Variants in PTPRO observed in about 807,000 individuals in gnomAD.
PTPRO encodes the protein receptor-type tyrosine-protein phosphatase O.
In PTPRO, 62 loss-of-function variants were observed where a neutral mutation model predicts 145.2. The observed-to-expected ratio is 0.43, with a 90% CI of 0.35 to 0.53. The LOEUF (loss-of-function observed/expected upper bound fraction) is 0.53. Ranked by LOEUF, PTPRO falls within the 20% of genes least tolerant of loss-of-function variation. The probability of loss-of-function intolerance (pLI) is 0.01; values close to 1 mark genes in which losing one functional copy is unlikely to be tolerated. For synonymous variants in PTPRO, 565 were observed against 514.7 expected (o/e 1.10, Z -1.32); for missense variants, 1,345 against 1,482.7 (o/e 0.91, Z 1.53).
At chr12:15,457,245 G>A (rs1167104207) in intron 1 of PTPRO, among the ~76,000 whole-genome samples, 1 of 152,162 alleles carries the variant, frequency 6.6e-6, no homozygotes, top group East Asian at 1.9e-4. Flanking sequence ...TTTAGCCTCT[G>A]ACTGAGCCAA....
intron 1 of PTPRO, among the ~76,000 whole-genome samples, chr12:15,366,276 CTGT>C (rs2136250424): frequency 6.6e-6 from 1 of 152,150 alleles, no homozygotes; most frequent in African/African-American, 2.4e-5. Flanking sequence ...ACTATAGAAG[CTGT>C]TGTTTGTCTT....
intron 25 of PTPRO, among the ~76,000 whole-genome samples, chr12:15,594,279 C>G (rs750690344): frequency 2.6e-5 from 4 of 151,618 alleles, no homozygotes; most frequent in Non-Finnish European, 4.4e-5. Flanking sequence ...CAATATTTTC[C>G]TCTGTATTTT....
chr12:15,328,822 A>T (rs183222769), intron 1 of PTPRO, among the ~76,000 whole-genome samples: 1 of 152,166 alleles, frequency 6.6e-6, no homozygotes. Context: ...TAACAAAACT[A>T]TTTCTATCTT....
At chr12:15,516,518 A>G (rs1437018871) in intron 8 of PTPRO, among the ~76,000 whole-genome samples, 1 of 135,098 alleles carries the variant, frequency 7.4e-6, no homozygotes, top group Non-Finnish European at 1.6e-5. Context: ...AGAAAGAAAG[A>G]AAAAGAAAAG....
intron 1 of PTPRO, among the ~76,000 whole-genome samples, chr12:15,354,008 A>AT (rs1289663116): frequency 1.3e-5 from 2 of 152,104 alleles, no homozygotes; most frequent in South Asian, 4.2e-4. Context: ...AGTTTGTTCA[A>AT]TTTTTTTCAG....
Position 15,458,912 on chromosome 12 carries a change from G to A in PTPRO, c.76-25062G>A, listed in dbSNP as rs190718940. Among the ~76,000 whole-genome samples, 44 of 152,030 alleles carry A rather than the reference G, an allele frequency of 2.9e-4. No homozygotes were observed. In the East Asian group the frequency reaches 7.6e-3, roughly 26 times the overall value. On this transcript the variant is annotated intron_variant, in intron 1 of 26. Transcript: ENST00000281171. ...GTTTTTCCCTTGGTTCTTCATTTTA[G>A]TATATCTGGATGTTATACAAAACAG... is the stretch of plus-strand genomic sequence containing the variant.
At position 15,598,250 on chromosome 12, in the gene PTPRO, G is replaced by A. The variant is rs183709389; in HGVS notation, c.*2177G>A. ...TTTATGATGGAAAAGGCATCAGTCT[G>A]TCAAAAGACTTGTTTAATCCTGATA... On this transcript the variant is annotated 3_prime_UTR_variant, in exon 27 of 27. Coordinates refer to ENST00000281171, the MANE Select transcript of PTPRO (RefSeq NM_030667.3). Among the ~76,000 whole-genome samples, 212 of 152,302 alleles carry A rather than the reference G, an allele frequency of 1.4e-3. 1 individual carries two copies. Among genetic ancestry groups the A allele is most frequent in the African/African-American group, 4.9e-3 (202 of 41,566 alleles).
intron 1 of PTPRO, among the ~76,000 whole-genome samples, chr12:15,421,836 G>A (rs988158260): frequency 6.6e-6 from 1 of 152,154 alleles, no homozygotes; most frequent in Non-Finnish European, 1.5e-5. Context: ...TTAACTAGCT[G>A]TGTGATCTTG....
At chr12:15,507,417 A>ATAAG (rs1282149767) in intron 6 of PTPRO, among the ~76,000 whole-genome samples, 3 of 93,266 alleles carry the variant, frequency 3.2e-5, no homozygotes, top group Non-Finnish European at 6.8e-5. Flanking sequence ...CTCAAAATAA[A>ATAAG]TAAATAAATA....
At chr12:15,575,300 G>T (rs1428124426) in intron 19 of PTPRO, among the ~76,000 whole-genome samples, 1 of 152,178 alleles carries the variant, frequency 6.6e-6, no homozygotes, top group African/African-American at 2.4e-5. Flanking sequence ...ACAGGAAGAG[G>T]AGAGGCCAGG....
At chr12:15,329,146 CATT>C (rs2136197158) in intron 1 of PTPRO, among the ~76,000 whole-genome samples, 1 of 152,314 alleles carries the variant, frequency 6.6e-6, no homozygotes, top group Admixed American at 6.5e-5. Flanking sequence ...ACTGTTCCTT[CATT>C]ATTACCCGCC....
intron 12 of PTPRO, among the ~76,000 whole-genome samples, chr12:15,531,084 A>G (rs2136538282): frequency 6.6e-6 from 1 of 152,278 alleles, no homozygotes; most frequent in Admixed American, 6.5e-5. Context: ...ACTACTATGA[A>G]CAGCTATAAA....
chr12:15,338,636 A>C (rs1415035127), intron 1 of PTPRO, among the ~76,000 whole-genome samples: 1 of 152,192 alleles, frequency 6.6e-6, no homozygotes, highest in Non-Finnish European at 1.5e-5. Context: ...TCAGATAAAA[A>C]AGGAAATTAC....
intron 1 of PTPRO, among the ~76,000 whole-genome samples, chr12:15,402,540 G>C (rs1400616283): frequency 6.6e-6 from 1 of 152,128 alleles, no homozygotes; most frequent in Non-Finnish European, 1.5e-5. Flanking sequence ...CTATGTCTTA[G>C]ATCAGTGCTT....
chr12:15,448,339 T>TAAAAAAAAAAAAAAATAAAAAAAAAAAAA (rs1940957499), intron 1 of PTPRO, among the ~76,000 whole-genome samples: 1 of 45,020 alleles, frequency 2.2e-5, no homozygotes, highest in Non-Finnish European at 4.3e-5. Flanking sequence ...CTGTTCCTAG[T>TAAAAAAAAAAAAAAATAAAAAAAAAAAAA]AAAAAAAAAA....
chr12:15,336,046 G>A (rs150164895), intron 1 of PTPRO, among the ~76,000 whole-genome samples: 161 of 152,166 alleles, frequency 1.1e-3, no homozygotes, highest in African/African-American at 3.1e-3. Context: ...CATCATGCAC[G>A]AGAATTCTGT....
At chr12:15,355,129 C>T (rs1203950195) in intron 1 of PTPRO, among the ~76,000 whole-genome samples, 6 of 152,160 alleles carry the variant, frequency 3.9e-5, no homozygotes, top group African/African-American at 4.8e-5. Context: ...AAGACCACTA[C>T]GGCTCACATT....
At chr12:15,439,128 T>C (rs1191683332) in intron 1 of PTPRO, among the ~76,000 whole-genome samples, 1 of 152,164 alleles carries the variant, frequency 6.6e-6, no homozygotes, top group Non-Finnish European at 1.5e-5. Flanking sequence ...ATTTTCAGCA[T>C]TCTTAAAGAA....
intron 1 of PTPRO, among the ~76,000 whole-genome samples, chr12:15,375,213 TCTGA>T (rs1291601398): frequency 5.3e-5 from 8 of 152,116 alleles, no homozygotes; most frequent in Non-Finnish European, 8.8e-5. Context: ...GGGGAAAACA[TCTGA>T]CTTTCAGATT....
Sources: allele counts gnomAD v4.1 joint callset (sites outside exome capture counted in the v4.1 genomes callset), GRCh38; gene constraint gnomAD v4.1.1; transcripts MANE v1.5; gene names NCBI Gene and HGNC (gene_info 2026-07-23, HGNC 2026-07-21).